Variants in TTC28 observed in about 807,000 individuals in gnomAD.
The protein encoded by TTC28 is tetratricopeptide repeat domain 28.
Under a neutral mutation model 198.0 loss-of-function variants are expected in TTC28, and 61 were observed. The ratio of observed to expected loss-of-function variants is 0.31; its 90% CI spans 0.25 to 0.38. TTC28 has a LOEUF of 0.38. Ranked by LOEUF, TTC28 falls within the 10% of genes least tolerant of loss-of-function variation. The pLI, the probability that TTC28 is intolerant of heterozygous loss-of-function variation, is 1.00. For synonymous variants in TTC28, 1,171 were observed against 1,297.8 expected (o/e 0.90, Z 2.10); for missense variants, 2,678 against 3,164.0 (o/e 0.85, Z 3.69).
At chr22:28,647,203 TC>T (rs2051483935) in intron 1 of TTC28, among the ~76,000 whole-genome samples, 1 of 152,112 alleles carries the variant, frequency 6.6e-6, no homozygotes, top group African/African-American at 2.4e-5. Context: ...GAAGCTGGAT[TC>T]CCTGTCTTTC....
At chr22:28,440,735 C>G (rs770963443) in intron 2 of TTC28, among the ~76,000 whole-genome samples, 2 of 152,182 alleles carry the variant, frequency 1.3e-5, no homozygotes, top group Middle Eastern at 3.2e-3. Flanking sequence ...AATGTGTTAG[C>G]AGACTGAGCC....
chr22:28,518,147 A>G (rs2048828563), intron 2 of TTC28, among the ~76,000 whole-genome samples: 1 of 152,170 alleles, frequency 6.6e-6, no homozygotes, highest in Non-Finnish European at 1.5e-5. Context: ...AATTCTTAGC[A>G]GAAATCTTAA....
intron 2 of TTC28, among the ~76,000 whole-genome samples, chr22:28,613,460 T>C (rs1212288927): frequency 1.4e-4 from 21 of 152,198 alleles, no homozygotes; most frequent in Non-Finnish European, 4.4e-5. Flanking sequence ...GAAGCCAGCA[T>C]CATCCTGATA....
chr22:28,418,996 A>T (rs1032798728), intron 2 of TTC28, among the ~76,000 whole-genome samples: 1 of 152,104 alleles, frequency 6.6e-6, no homozygotes, highest in African/African-American at 2.4e-5. Context: ...ACTGAGACAG[A>T]CTCTGTAGGA....
At chr22:28,455,664 A>C (rs1037169750) in intron 2 of TTC28, among the ~76,000 whole-genome samples, 3 of 151,838 alleles carry the variant, frequency 2.0e-5, no homozygotes, top group Admixed American at 6.6e-5. Context: ...CAGTGAGACA[A>C]GATTGCACCA....
chr22:28,085,600 C>A (rs529966494), intron 12 of TTC28, among the ~76,000 whole-genome samples: 26 of 152,104 alleles, frequency 1.7e-4, no homozygotes, highest in Admixed American at 3.3e-4. Flanking sequence ...GAAACTGCAT[C>A]AACTAACCAG....
chr22:28,056,463 A>G (rs1248134393), intron 12 of TTC28: 1 of 152,126 alleles, frequency 6.6e-6, no homozygotes, highest in Non-Finnish European at 1.5e-5. Context: ...CATTTTAATA[A>G]AATTGCTTTA....
At chr22:28,313,471 C>A (rs772640484) in intron 2 of TTC28, among the ~76,000 whole-genome samples, 11 of 152,180 alleles carry the variant, frequency 7.2e-5, no homozygotes, top group Non-Finnish European at 1.2e-4. Context: ...CAGTAAAATA[C>A]TGGCAAACCG....
intron 2 of TTC28, among the ~76,000 whole-genome samples, chr22:28,331,852 T>G (rs1342025774): frequency 6.6e-6 from 1 of 152,120 alleles, no homozygotes; most frequent in Admixed American, 6.6e-5. Flanking sequence ...CTTGGATCTC[T>G]GAGCTTGAAA....
chr22:28,419,546 T>C (rs1260444962), intron 2 of TTC28, among the ~76,000 whole-genome samples: 2 of 152,200 alleles, frequency 1.3e-5, no homozygotes, highest in Non-Finnish European at 2.9e-5. Context: ...TAGTATTTTC[T>C]TACTGAGGGC....
chr22:28,559,028 T>TC (rs2145987740), intron 2 of TTC28, among the ~76,000 whole-genome samples: 1 of 149,916 alleles, frequency 6.7e-6, no homozygotes, highest in South Asian at 2.1e-4. Context: ...AAAGCAAGAC[T>TC]CCATCTCAAA....
rs1015183612 is a variant in TTC28, at chr22:28,566,626, C to G, written c.381+62926G>C. On this transcript the variant is annotated intron_variant, in intron 2 of 22. Transcript: ENST00000397906. ...TCTTTCATTCCCTTTAAACATCAAT[C>G]AAGATTTTAAAATACTATCATTAAT... 3.3e-5 allele frequency among the ~76,000 whole-genome samples: 5 copies of G among 152,062 alleles called. 1 individual carries two copies. The Middle Eastern group carries it at 0.01, about 312-fold the overall frequency.
chr22:28,512,979 ATTTT>A (rs695729), intron 2 of TTC28, among the ~76,000 whole-genome samples: 2 of 125,900 alleles, frequency 1.6e-5, no homozygotes, highest in Admixed American at 8.6e-5. Context: ...TTTAACCTGG[ATTTT>A]TTTTTTTTTT....
chr22:28,622,597 CA>C (rs1252817995), intron 2 of TTC28, among the ~76,000 whole-genome samples: 2 of 151,890 alleles, frequency 1.3e-5, no homozygotes, highest in Admixed American at 1.3e-4. Context: ...ATGGTAGACG[CA>C]AAGTTAAAAG....
intron 2 of TTC28, among the ~76,000 whole-genome samples, chr22:28,530,195 C>A (rs1173265370): frequency 6.6e-6 from 1 of 152,136 alleles, no homozygotes; most frequent in Non-Finnish European, 1.5e-5. Context: ...CTAGAATAAA[C>A]AGCGTAGAGA....
chr22:27,983,193 A>G lies in TTC28; in HGVS notation c.6474T>C (p.Asp2158=). The change falls in exon 23 of 23, where the codon GAT becomes GAC. Residue 2158 remains aspartate, a synonymous_variant. Transcript: ENST00000397906. ...GAATTTTCTGGGCTAACTCTTGTGG[A>G]TCCAGTTTTGGGTTGCTTTCTTCTT... ...KSQEESNPKL[D]PQELAQKILE... 1 of 1,551,720 alleles carries G rather than the reference A, an allele frequency of 6.4e-7. No individual in the cohort carries two copies. The highest frequency in any genetic ancestry group is 1.2e-5 in the South Asian group (1 of 84,058).
chr22:28,430,887 G>GAAA (rs695539), intron 2 of TTC28, among the ~76,000 whole-genome samples: 1 of 134,578 alleles, frequency 7.4e-6, no homozygotes, highest in Non-Finnish European at 1.6e-5. Context: ...CATTGTAAAA[G>GAAA]AAAAAAAAAA....
At chr22:28,549,061 T>C (rs2049603209) in intron 2 of TTC28, among the ~76,000 whole-genome samples, 1 of 152,152 alleles carries the variant, frequency 6.6e-6, no homozygotes, top group Admixed American at 6.5e-5. Context: ...GGAGTCTCGC[T>C]CTGTCACCCA....
intron 2 of TTC28, among the ~76,000 whole-genome samples, chr22:28,395,842 A>G (rs1467206944): frequency 6.6e-6 from 1 of 152,226 alleles, no homozygotes; most frequent in African/African-American, 2.4e-5. Context: ...AACCATTTGG[A>G]TATGAACTAT....
Sources: allele counts gnomAD v4.1 joint callset (sites outside exome capture counted in the v4.1 genomes callset), GRCh38; gene constraint gnomAD v4.1.1; transcripts MANE v1.5; gene names NCBI Gene and HGNC (gene_info 2026-07-23, HGNC 2026-07-21).